The following TMEM154 variants were observed in gnomAD, a reference collection of about 807,000 sequenced individuals.
TMEM154 encodes the protein transmembrane protein 154.
Under a neutral mutation model 24.5 loss-of-function variants are expected in TMEM154, and 27 were observed. That is an observed-to-expected ratio of 1.10 (90% CI 0.81 to 1.52). The LOEUF (loss-of-function observed/expected upper bound fraction) is 1.52, where lower values mean the gene tolerates loss of function less well. Ranked by LOEUF, TMEM154 falls within the 40% of genes most tolerant of loss-of-function variation. TMEM154 has a pLI of 0.00. For missense variants in TMEM154, 228 were observed against 213.4 expected (o/e 1.07, Z -0.43); for synonymous variants, 67 against 76.8 (o/e 0.87, Z 0.67).
chr4:152,653,473 T>C (rs1441290918), intron 1 of TMEM154, among the ~76,000 whole-genome samples: 3 of 148,432 alleles, frequency 2.0e-5, no homozygotes, highest in South Asian at 4.2e-4. Context: ...CACTGCAACC[T>C]CCACCTCCTG....
chr4:152,669,458 T>C (rs1310098009), intron 1 of TMEM154: 2 of 152,222 alleles, frequency 1.3e-5, no homozygotes, highest in Non-Finnish European at 2.9e-5. Flanking sequence ...ATGTAATATT[T>C]GTACTAAATA....
chr4:152,655,217 A>G (rs77549796), intron 1 of TMEM154, among the ~76,000 whole-genome samples: 171 of 152,354 alleles, frequency 1.1e-3, no homozygotes, highest in African/African-American at 4.0e-3. Flanking sequence ...TAAAGCACGG[A>G]AGGAGAGGGA....
In TMEM154 at chr4:152,618,648, C is replaced by A. The variant is rs1049058026; in HGVS notation, c.*9898G>T. 1 of 152,200 alleles carries A rather than the reference C, an allele frequency of 6.6e-6. No homozygotes were observed. The allele number at this position is 152,200 out of a possible 1,614,324, so 9.4% of individuals were successfully genotyped here. On this transcript the variant is annotated 3_prime_UTR_variant, in exon 7 of 7. Transcript: ENST00000304385. The stretch of plus-strand genomic sequence containing the variant: ...AGATCTGGGTTGGAAAGAGCTGCTT[C>A]GAGCATTTTAATGATCAGTTAGGCT...
chr4:152,638,784 G>A lies in TMEM154; in HGVS notation c.536+2144C>T, dbSNP rs1023565939. Among the ~76,000 whole-genome samples, 17 of 152,234 alleles carry A rather than the reference G, an allele frequency of 1.1e-4. No homozygotes were observed. The South Asian group carries it at 3.3e-3, about 30-fold the overall frequency. On this transcript the variant is annotated intron_variant, in intron 6 of 6. Coordinates refer to ENST00000304385, the MANE Select transcript of TMEM154 (RefSeq NM_152680.3). ...CTGGGACTTGCCATTCTTGGTTCTC[G>A]AATGCTGGTGCTGGCATTACGAGAG...
rs892286455 is a variant in TMEM154 at position 152,627,854 on chromosome 4, T to C, written c.*692A>G. 1.3e-5 allele frequency: 2 copies of C among 152,238 alleles called. No homozygotes were observed. The highest frequency in any genetic ancestry group is 1.3e-4 in the Admixed American group (2 of 15,280). 9.4% of individuals were successfully genotyped at this position (152,238 alleles called of 1,614,324 possible). A position where few individuals can be genotyped will look rare whatever the true frequency, so the allele number is the denominator to read the frequency against. On this transcript the variant is annotated 3_prime_UTR_variant, in exon 7 of 7. Coordinates refer to ENST00000304385, the MANE Select transcript of TMEM154 (RefSeq NM_152680.3). Reference sequence around the variant, plus strand: ...CATTAGTTCTTTCACTGAAGATTCCTAGTTTCTCTGAGAAGTTCTTAAGGG... The same window carrying C: ...CATTAGTTCTTTCACTGAAGATTCCCAGTTTCTCTGAGAAGTTCTTAAGGG...
intron 1 of TMEM154, among the ~76,000 whole-genome samples, chr4:152,674,816 C>A (rs537252839): frequency 6.6e-6 from 1 of 152,226 alleles, no homozygotes; most frequent in Admixed American, 6.5e-5. Context: ...GAGCCATCCT[C>A]GGTGTACCAG....
Position 152,651,947 on chromosome 4 carries a change from G to A in TMEM154, c.364+591C>T, listed in dbSNP as rs150384614. ...ATTGGCCTAATTTCAATATTGTTCTGTATCAGGGAATAGAGAGGCCTGAAG... is the reference window on the plus strand; with the variant it reads ...ATTGGCCTAATTTCAATATTGTTCTATATCAGGGAATAGAGAGGCCTGAAG... On this transcript the variant is annotated intron_variant, in intron 3 of 6. Coordinates refer to ENST00000304385, the MANE Select transcript of TMEM154 (RefSeq NM_152680.3). Among the ~76,000 whole-genome samples, 3 of 152,248 alleles carry A rather than the reference G, an allele frequency of 2.0e-5. No individual in the cohort carries two copies. The East Asian group carries it at 5.8e-4, about 29-fold the overall frequency.
chr4:152,633,891 A>G (rs1336892181), intron 6 of TMEM154, among the ~76,000 whole-genome samples: 1 of 152,044 alleles, frequency 6.6e-6, no homozygotes, highest in Non-Finnish European at 1.5e-5. Context: ...AACTGCAATT[A>G]CTTTTGCACC....
chr4:152,679,909 C>G lies in TMEM154; in HGVS notation c.25G>C (p.Val9Leu). 1 of 1,611,148 alleles carries G rather than the reference C, an allele frequency of 6.2e-7. No individual in the cohort carries two copies. The highest frequency in any genetic ancestry group is 8.5e-7 in the Non-Finnish European group (1 of 1,179,106). Residue 9 changes from valine to leucine, a missense_variant, in exon 1 of 7, where the codon GTC (valine) becomes CTC (leucine). Physicochemically the swap from Val to Leu is conservative, Grantham distance 32. Coordinates refer to ENST00000304385, the MANE Select transcript of TMEM154 (RefSeq NM_152680.3). ...ACGAGCGCGATCACCAGGGCGAAGA[C>G]TAGGGCTGCGCGGGGAGCCTGCATG... MQAPRAALVFALVIALVPV... is the reference protein window; with the variant it reads MQAPRAALLFALVIALVPV...
chr4:152,675,417 C>T (rs1377934875), intron 1 of TMEM154, among the ~76,000 whole-genome samples: 2 of 152,014 alleles, frequency 1.3e-5, no homozygotes, highest in African/African-American at 2.4e-5. Context: ...CTCCTGCGGT[C>T]GCGAGTTTGA....
intron 1 of TMEM154, among the ~76,000 whole-genome samples, chr4:152,657,987 C>A (rs962728446): frequency 1.3e-5 from 2 of 152,092 alleles, no homozygotes; most frequent in African/African-American, 4.8e-5. Flanking sequence ...TAAGGGAGTC[C>A]ACTGAGAAGC....
chr4:152,632,840 T>C (rs923961052), intron 6 of TMEM154, among the ~76,000 whole-genome samples: 9 of 152,176 alleles, frequency 5.9e-5, no homozygotes, highest in African/African-American at 2.2e-4. Flanking sequence ...CAAATTAACC[T>C]TTCTTAGCCG....
Position 152,618,977 on chromosome 4 carries a change from CT to C in TMEM154, c.*9568del, listed in dbSNP as rs1387153290. On this transcript the variant is annotated 3_prime_UTR_variant, in exon 7 of 7. Transcript: ENST00000304385. ...ACTGATGATAAAGACTGATTAGGTA[CT>C]TAAGGAAAGATGATATGTAACTCCT... is the stretch of plus-strand genomic sequence containing the variant. 2 of 152,122 alleles carry C rather than the reference CT, an allele frequency of 1.3e-5. No homozygotes were observed. The highest frequency in any genetic ancestry group is 2.9e-5 in the Non-Finnish European group (2 of 68,036). 9.4% of individuals were successfully genotyped at this position (152,122 alleles called of 1,614,324 possible). A position where few individuals can be genotyped will look rare whatever the true frequency, so the allele number is the denominator to read the frequency against.
intron 6 of TMEM154, among the ~76,000 whole-genome samples, chr4:152,632,626 A>G (rs917061855): frequency 6.6e-6 from 1 of 152,246 alleles, no homozygotes; most frequent in African/African-American, 2.4e-5. Context: ...TATGTCCCAC[A>G]ATAAGAATCT....
intron 1 of TMEM154, among the ~76,000 whole-genome samples, chr4:152,676,316 T>G (rs984404315): frequency 6.6e-6 from 1 of 152,160 alleles, no homozygotes; most frequent in Non-Finnish European, 1.5e-5. Flanking sequence ...CACCTACAGC[T>G]GGAAAGGTTC....
rs1411953643 is a variant in TMEM154 at position 152,622,671 on chromosome 4, A to G, written c.*5875T>C. The G allele has an allele frequency of 6.6e-6, 1 of 152,188 alleles. No homozygotes were observed. The highest frequency in any genetic ancestry group is 1.5e-5 in the Non-Finnish European group (1 of 68,026). The allele number at this position is 152,188 out of a possible 1,614,324, so 9.4% of individuals were successfully genotyped here. ...AAAAATGGAGTTGAGAATAATTTAT[A>G]TATACATATGTATACTGACATTTAT... On this transcript the variant is annotated 3_prime_UTR_variant, in exon 7 of 7. Transcript: ENST00000304385.
Position 152,625,693 on chromosome 4 carries a change from A to G in TMEM154, c.*2853T>C, listed in dbSNP as rs1328106654. ...AGTGAGACTCCATCTCAAAAAAAAA[A>G]AAAAAAAGTCAGGTGAGAAGAAGTA... On this transcript the variant is annotated 3_prime_UTR_variant, in exon 7 of 7. Coordinates refer to ENST00000304385, the MANE Select transcript of TMEM154 (RefSeq NM_152680.3). 1 of 151,922 alleles carries G rather than the reference A, an allele frequency of 6.6e-6. No individual in the cohort carries two copies. The highest frequency in any genetic ancestry group is 1.5e-5 in the Non-Finnish European group (1 of 68,124). 9.4% of individuals were successfully genotyped at this position (151,922 alleles called of 1,614,324 possible).
At chr4:152,646,235 A>G (rs191328054) in intron 3 of TMEM154, among the ~76,000 whole-genome samples, 137 of 152,274 alleles carry the variant, frequency 9.0e-4, no homozygotes, top group African/African-American at 3.1e-3. Context: ...GGTTCCCCAC[A>G]GGCTTCAGGG....
chr4:152,671,810 C>A (rs1385544734), intron 1 of TMEM154, among the ~76,000 whole-genome samples: 50 of 146,262 alleles, frequency 3.4e-4, no homozygotes, highest in African/African-American at 1.0e-3. Flanking sequence ...GGAGTCTGAA[C>A]TGGCAGGGAG....
Sources: allele counts gnomAD v4.1 joint callset (sites outside exome capture counted in the v4.1 genomes callset), GRCh38; gene constraint gnomAD v4.1.1; transcripts MANE v1.5; gene names NCBI Gene and HGNC (gene_info 2026-07-23, HGNC 2026-07-21).